Variants in TASP1 observed in about 807,000 individuals in gnomAD.
TASP1 encodes the protein threonine aspartase 1.
Under a neutral mutation model 56.6 loss-of-function variants are expected in TASP1, and 16 were observed. The ratio of observed to expected loss-of-function variants is 0.28; its 90% CI spans 0.19 to 0.43. The LOEUF (loss-of-function observed/expected upper bound fraction) is 0.43, where lower values mean the gene tolerates loss of function less well. Among genes scored for constraint, TASP1 ranks in the 20% least tolerant of loss-of-function variants. The pLI, the probability that TASP1 is intolerant of heterozygous loss-of-function variation, is 1.00. For missense variants in TASP1, 393 were observed against 511.6 expected, an observed-to-expected ratio of 0.77 and a Z score of 2.24; for synonymous variants, 179 against 184.2, an observed-to-expected ratio of 0.97 and a Z score of 0.23.
the TASP1 span, among the ~76,000 whole-genome samples, chr20:13,148,842 G>A: frequency 6.6e-6 from 1 of 152,296 alleles, no homozygotes; most frequent in Middle Eastern, 3.4e-3. Context: ...GTGGCACTGA[G>A]GCTGCAGAGA....
chr20:13,380,613 G>A, the TASP1 span, among the ~76,000 whole-genome samples: 1 of 152,162 alleles, frequency 6.6e-6, no homozygotes, highest in East Asian at 1.9e-4. Flanking sequence ...TGTGCTGGGG[G>A]ATCCACTGTT....
intron 2 of TASP1, among the ~76,000 whole-genome samples, chr20:13,626,948 A>G (rs1203084797): frequency 7.5e-6 from 1 of 133,156 alleles, no homozygotes; most frequent in Non-Finnish European, 1.6e-5. Context: ...ACACTTGCTA[A>G]TTTCCCTGTT....
intron 10 of TASP1, among the ~76,000 whole-genome samples, chr20:13,491,014 TA>T: frequency 6.6e-6 from 1 of 152,204 alleles, no homozygotes; most frequent in African/African-American, 2.4e-5. Flanking sequence ...ATGTTCCTTC[TA>T]TTAAAGTGAT....
At chr20:13,364,134 G>A in the TASP1 span, among the ~76,000 whole-genome samples, 1 of 152,020 alleles carries the variant, frequency 6.6e-6, no homozygotes, top group Non-Finnish European at 1.5e-5. Context: ...TTATTTGTCA[G>A]TGATGGGGTT....
chr20:13,259,823 C>A, the TASP1 span, among the ~76,000 whole-genome samples: 1 of 152,234 alleles, frequency 6.6e-6, no homozygotes, highest in East Asian at 1.9e-4. Flanking sequence ...TACTTTGGGG[C>A]AGGCCTGTGC....
At chr20:13,112,513 C>G in the TASP1 span, among the ~76,000 whole-genome samples, 2 of 152,284 alleles carry the variant, frequency 1.3e-5, no homozygotes, top group African/African-American at 2.4e-5. Flanking sequence ...GACCCTACCC[C>G]CTGATGGAGG....
At chr20:13,197,341 G>A in the TASP1 span, among the ~76,000 whole-genome samples, 1 of 152,166 alleles carries the variant, frequency 6.6e-6, no homozygotes, top group African/African-American at 2.4e-5. Flanking sequence ...GATTGACTGG[G>A]ACCAAAAAGA....
At chr20:13,434,977 T>A in intron 12 of TASP1, 67 bp downstream of exon 12, 1 of 1,175,264 alleles carries the variant, frequency 8.5e-7, no homozygotes, top group Non-Finnish European at 1.2e-6. Context: ...CTTAAGGGTA[T>A]AAATATTTTC....
intron 4 of TASP1, among the ~76,000 whole-genome samples, chr20:13,610,623 A>T (rs1050703728): frequency 6.6e-6 from 1 of 152,236 alleles, no homozygotes; most frequent in African/African-American, 2.4e-5. Context: ...ACCATTGTGA[A>T]TTAAAGGGTC....
At chr20:13,422,351 C>G (rs183379282) in intron 12 of TASP1, among the ~76,000 whole-genome samples, 1 of 152,256 alleles carries the variant, frequency 6.6e-6, no homozygotes, top group East Asian at 1.9e-4. Context: ...TCAAGTTACA[C>G]AATAATGCTG....
At chr20:13,204,508 T>G in the TASP1 span, among the ~76,000 whole-genome samples, 1 of 151,086 alleles carries the variant, frequency 6.6e-6, no homozygotes, top group African/African-American at 2.4e-5. Flanking sequence ...AATATCTTTT[T>G]AATCCTGGAT....
chr20:13,207,510 C>G, the TASP1 span, among the ~76,000 whole-genome samples: 1 of 152,162 alleles, frequency 6.6e-6, no homozygotes, highest in Non-Finnish European at 1.5e-5. Context: ...CAGGCTGGGA[C>G]GTCCTGCAAT....
chr20:13,376,100 T>A, the TASP1 span, among the ~76,000 whole-genome samples: 1 of 152,212 alleles, frequency 6.6e-6, no homozygotes, highest in Non-Finnish European at 1.5e-5. Context: ...TTTGTCAATT[T>A]TGGCTTTTGT....
chr20:13,351,167 T>A, the TASP1 span, among the ~76,000 whole-genome samples: 3 of 152,132 alleles, frequency 2.0e-5, no homozygotes, highest in African/African-American at 7.2e-5. Flanking sequence ...CTTAAAAAAA[T>A]TGACAACACC....
chr20:13,363,999 A>G, the TASP1 span, among the ~76,000 whole-genome samples: 4 of 152,224 alleles, frequency 2.6e-5, no homozygotes, highest in African/African-American at 9.6e-5. Flanking sequence ...AGATTTGTAT[A>G]TAATAACTCA....
intron 13 of TASP1, among the ~76,000 whole-genome samples, chr20:13,414,802 T>C (rs2042200969): frequency 6.6e-6 from 1 of 151,598 alleles, no homozygotes; most frequent in African/African-American, 2.4e-5. Flanking sequence ...AATGATTTAA[T>C]TGCAAGAACA....
At chr20:13,311,251 A>AGATAGATAGATAGAT in the TASP1 span, among the ~76,000 whole-genome samples, 375 of 127,536 alleles carry the variant, frequency 2.9e-3, 1 homozygote, top group African/African-American at 4.5e-3. Context: ...GATGATAGAT[A>AGATAGATAGATAGAT]GATAGATAGA....
At chr20:13,472,917 G>C (rs1227318213) in intron 11 of TASP1, among the ~76,000 whole-genome samples, 1 of 152,222 alleles carries the variant, frequency 6.6e-6, no homozygotes, top group South Asian at 2.1e-4. Flanking sequence ...CATTGTGGAA[G>C]ACAGTGTGGC....
the TASP1 span, among the ~76,000 whole-genome samples, chr20:13,344,112 A>G: frequency 6.6e-6 from 1 of 152,002 alleles, no homozygotes; most frequent in African/African-American, 2.4e-5. Flanking sequence ...TCTCTTTTCT[A>G]GTATTTAATT....
Sources: gnomAD v4.1 joint callset for allele counts (sites outside exome capture counted in the v4.1 genomes callset) on GRCh38, gnomAD v4.1.1 for gene constraint, MANE v1.5 for transcripts, NCBI Gene and HGNC (gene_info 2026-07-23, HGNC 2026-07-21) for gene names.